Variants in KCNIP4 observed in about 807,000 individuals in gnomAD.
KCNIP4 encodes the protein Kv channel-interacting protein 4.
Under a neutral mutation model 34.0 loss-of-function variants are expected in KCNIP4, and 12 were observed. The observed-to-expected ratio is 0.35, with a 90% CI of 0.23 to 0.57. KCNIP4 has a LOEUF of 0.57. Ranked by LOEUF, KCNIP4 falls within the 20% of genes least tolerant of loss-of-function variation. The pLI, the probability that KCNIP4 is intolerant of heterozygous loss-of-function variation, is 0.83. For missense variants in KCNIP4, 238 were observed against 311.7 expected (o/e 0.76, Z 1.78); for synonymous variants, 124 against 102.2 (o/e 1.21, Z -1.29).
At chr4:21,556,920 C>CAAAAA (rs1281543089) in intron 1 of KCNIP4, among the ~76,000 whole-genome samples, 16 of 35,360 alleles carry the variant, frequency 4.5e-4, no homozygotes, top group African/African-American at 9.4e-4. Context: ...GACTCCATCT[C>CAAAAA]AGAAAAAAAA....
At chr4:21,532,164 A>G (rs566593342) in intron 1 of KCNIP4, among the ~76,000 whole-genome samples, 2 of 152,298 alleles carry the variant, frequency 1.3e-5, no homozygotes, top group South Asian at 4.1e-4. Context: ...ATATAAATGC[A>G]GAGATATAAT....
At chr4:21,540,294 C>T (rs1715367213) in intron 1 of KCNIP4, among the ~76,000 whole-genome samples, 1 of 152,126 alleles carries the variant, frequency 6.6e-6, no homozygotes, top group African/African-American at 2.4e-5. Context: ...AGAAGTTCTA[C>T]AATTTATAGT....
intron 1 of KCNIP4, among the ~76,000 whole-genome samples, chr4:21,356,833 A>G (rs1258002741): frequency 6.6e-6 from 1 of 152,108 alleles, no homozygotes; most frequent in African/African-American, 2.4e-5. Flanking sequence ...GTTCACAGGG[A>G]ACCAAAAAAG....
chr4:21,262,476 G>A (rs1162729887), intron 1 of KCNIP4, among the ~76,000 whole-genome samples: 1 of 152,180 alleles, frequency 6.6e-6, no homozygotes, highest in African/African-American at 2.4e-5. Context: ...ATGACTGATG[G>A]ATGAGGAGTA....
intron 1 of KCNIP4, among the ~76,000 whole-genome samples, chr4:21,187,198 T>C (rs1755297350): frequency 6.6e-6 from 1 of 152,194 alleles, no homozygotes; most frequent in Admixed American, 6.5e-5. Flanking sequence ...CTATGGTCCA[T>C]TTCTGACAAT....
At chr4:21,867,253 T>A (rs754420087) in intron 1 of KCNIP4, among the ~76,000 whole-genome samples, 1 of 152,140 alleles carries the variant, frequency 6.6e-6, no homozygotes, top group Non-Finnish European at 1.5e-5. Flanking sequence ...ATGAATTCAG[T>A]GCAACAATTT....
At chr4:21,542,444 A>G (rs1057209565) in intron 1 of KCNIP4, among the ~76,000 whole-genome samples, 10 of 152,180 alleles carry the variant, frequency 6.6e-5, no homozygotes, top group South Asian at 2.1e-4. Flanking sequence ...GCTCAAATAT[A>G]TCATTTTAAT....
At chr4:21,726,791 A>G (rs1715226627) in intron 1 of KCNIP4, among the ~76,000 whole-genome samples, 1 of 152,194 alleles carries the variant, frequency 6.6e-6, no homozygotes, top group South Asian at 2.1e-4. Flanking sequence ...TGCCCGACAC[A>G]AAGTAGATAA....
In KCNIP4 at chr4:21,264,313, A is replaced by C. The variant is rs1577985992; in HGVS notation, c.62-381604T>G. On this transcript the variant is annotated intron_variant, in intron 1 of 8. Coordinates refer to ENST00000382152, the MANE Select transcript of KCNIP4 (RefSeq NM_025221.6). ...AATTCACTAATTTATTCAATTAATG[A>C]TATTTATCCAACATCTAGATATGCC... 3.3e-5 allele frequency among the ~76,000 whole-genome samples: 5 copies of C among 152,340 alleles called. No homozygotes were observed. In the South Asian group the frequency reaches 8.3e-4, roughly 25 times the overall value.
At position 20,728,624 on chromosome 4, in the gene KCNIP4, ATTTTGC is replaced by A. The variant is rs1234002785; in HGVS notation, c.*1452_*1457del. 5 of 152,522 alleles carry A rather than the reference ATTTTGC, an allele frequency of 3.3e-5. No individual in the cohort carries two copies. The highest frequency in any genetic ancestry group is 7.4e-5 in the Non-Finnish European group (5 of 68,008). The allele number at this position is 152,522 out of a possible 1,614,324, so 9.4% of individuals were successfully genotyped here. On this transcript the variant is annotated 3_prime_UTR_variant, in exon 9 of 9. Coordinates refer to ENST00000382152, the MANE Select transcript of KCNIP4 (RefSeq NM_025221.6). ...TAGACAGTAGAGTTATAAACATTTT[ATTTTGC>A]TTTTATTTTTTCTTTTTGAAATACA...
At chr4:21,319,305 T>C (rs951389971) in intron 1 of KCNIP4, among the ~76,000 whole-genome samples, 1 of 152,244 alleles carries the variant, frequency 6.6e-6, no homozygotes, top group Non-Finnish European at 1.5e-5. Flanking sequence ...CAGAATGGAC[T>C]TAAGGAATAA....
intron 1 of KCNIP4, among the ~76,000 whole-genome samples, chr4:21,672,967 T>C (rs1247505331): frequency 2.6e-5 from 4 of 152,312 alleles, no homozygotes; most frequent in Admixed American, 6.5e-5. Context: ...GACAGTGACA[T>C]GGCTCCTGGC....
chr4:20,913,973 T>C (rs917359607), intron 1 of KCNIP4, among the ~76,000 whole-genome samples: 3 of 152,130 alleles, frequency 2.0e-5, no homozygotes, highest in Non-Finnish European at 4.4e-5. Context: ...CTGGCTACCA[T>C]GGTGAAACCC....
chr4:21,735,858 T>C (rs1219541192), intron 1 of KCNIP4, among the ~76,000 whole-genome samples: 2 of 152,198 alleles, frequency 1.3e-5, no homozygotes, highest in Non-Finnish European at 2.9e-5. Flanking sequence ...ATGTGACCAT[T>C]TGCTATCATA....
chr4:21,109,285 C>A (rs1748912094), intron 1 of KCNIP4, among the ~76,000 whole-genome samples: 1 of 152,348 alleles, frequency 6.6e-6, no homozygotes, highest in East Asian at 1.9e-4. Flanking sequence ...CTTTGTTTAC[C>A]TAAGCAAGCC....
rs7667555 is a variant in KCNIP4 at position 21,179,770 on chromosome 4, T to C, written c.62-297061A>G. 2.0e-3 allele frequency among the ~76,000 whole-genome samples: 309 copies of C among 152,318 alleles called. 4 individuals carry two copies. Among genetic ancestry groups the C allele is most frequent in the African/African-American group, 7.1e-3 (295 of 41,570 alleles). On this transcript the variant is annotated intron_variant, in intron 1 of 8. Coordinates refer to ENST00000382152, the MANE Select transcript of KCNIP4 (RefSeq NM_025221.6). ...AAAAAAACTTATTTTCTTTCTATAA[T>C]AGGTGAGAAAACAATGTTTTTTAAA...
At chr4:21,491,178 A>G (rs1171958181) in intron 1 of KCNIP4, among the ~76,000 whole-genome samples, 1 of 152,118 alleles carries the variant, frequency 6.6e-6, no homozygotes, top group Non-Finnish European at 1.5e-5. Flanking sequence ...AAGACAATAC[A>G]TCACAGGTAC....
chr4:20,802,926 T>A (rs1424076024), intron 3 of KCNIP4, among the ~76,000 whole-genome samples: 3 of 151,298 alleles, frequency 2.0e-5, no homozygotes, highest in African/African-American at 7.3e-5. Flanking sequence ...ATACAAAAAA[T>A]TTGCCGGGCG....
intron 1 of KCNIP4, among the ~76,000 whole-genome samples, chr4:21,611,635 T>TTTTG (rs3050867): frequency 1.1e-4 from 17 of 151,974 alleles, no homozygotes; most frequent in African/African-American, 3.1e-4. Flanking sequence ...TTTAAGGTTT[T>TTTTG]TTTGTTTGTT....
Sources: gnomAD v4.1 joint callset for allele counts (sites outside exome capture counted in the v4.1 genomes callset) on GRCh38, gnomAD v4.1.1 for gene constraint, MANE v1.5 for transcripts, NCBI Gene and HGNC (gene_info 2026-07-23, HGNC 2026-07-21) for gene names.